Variants in MFHAS1 observed in about 807,000 individuals in gnomAD.
The protein encoded by MFHAS1 is multifunctional ROCO family signaling regulator 1, also known as malignant fibrous histiocytoma-amplified sequence 1.
Under a neutral mutation model 70.4 loss-of-function variants are expected in MFHAS1, and 50 were observed. That is an observed-to-expected ratio of 0.71 (90% CI 0.57 to 0.90). The LOEUF (loss-of-function observed/expected upper bound fraction) is 0.90, where lower values mean the gene tolerates loss of function less well. MFHAS1 is among the 40% of genes least tolerant of loss of function. The pLI is 0.00. For synonymous variants in MFHAS1, 952 were observed against 620.0 expected, an observed-to-expected ratio of 1.54 and a Z score of -7.96; for missense variants, 1,795 against 1,347.6, an observed-to-expected ratio of 1.33 and a Z score of -5.20.
At chr8:8,836,021 C>T (rs1807581536) in intron 1 of MFHAS1, among the ~76,000 whole-genome samples, 2 of 152,244 alleles carry the variant, frequency 1.3e-5, no homozygotes, top group Admixed American at 1.3e-4. Context: ...TAATTACTAT[C>T]TAGCCCTTCA....
At chr8:8,855,447 C>T (rs1444910056) in intron 1 of MFHAS1, among the ~76,000 whole-genome samples, 1 of 152,214 alleles carries the variant, frequency 6.6e-6, no homozygotes, top group Non-Finnish European at 1.5e-5. Flanking sequence ...CAATTAAATC[C>T]TAACTGAGAT....
intron 1 of MFHAS1, among the ~76,000 whole-genome samples, chr8:8,879,752 C>T (rs1004472456): frequency 6.6e-6 from 1 of 152,172 alleles, no homozygotes; most frequent in Non-Finnish European, 1.5e-5. Context: ...AACACAGCTC[C>T]CCAAGCCCAA....
At chr8:8,888,843 T>A (rs1047773556) in intron 1 of MFHAS1, among the ~76,000 whole-genome samples, 12 of 152,168 alleles carry the variant, frequency 7.9e-5, no homozygotes, top group African/African-American at 2.7e-4. Context: ...GTGTAAACTA[T>A]GACCTTTGGC....
Position 8,890,865 on chromosome 8 carries a change from G to C in MFHAS1, c.2194C>G (p.Arg732Gly). ...LKEHVFHNLT[R>G]LIDILNVFFQ... is the part of the protein sequence containing the mutation. ...AAGACATTGAGGATGTCGATGAGGC[G>C]GGTGAGGTTGTGGAAGACGTGCTCC... The change falls in exon 1 of 3, where the codon CGC becomes GGC. Residue 732 changes from arginine (R) to glycine (G), a missense_variant. By Grantham distance (125) the Arg-to-Gly change is moderately radical. Coordinates refer to ENST00000276282, the MANE Select transcript of MFHAS1 (RefSeq NM_004225.3). 6.2e-7 allele frequency: 1 copy of C among 1,614,166 alleles called. No individual in the cohort carries two copies. Among genetic ancestry groups the C allele is most frequent in the Non-Finnish European group, 8.5e-7 (1 of 1,180,042 alleles).
At chr8:8,881,117 T>G (rs1809507006) in intron 1 of MFHAS1, among the ~76,000 whole-genome samples, 1 of 152,214 alleles carries the variant, frequency 6.6e-6, no homozygotes, top group Admixed American at 6.5e-5. Context: ...TTTAGACTCT[T>G]TGCTTCTATA....
intron 2 of MFHAS1, among the ~76,000 whole-genome samples, chr8:8,791,904 A>C (rs1805730953): frequency 6.6e-6 from 1 of 152,146 alleles, no homozygotes; most frequent in Admixed American, 6.5e-5. Context: ...CTGCCTTTAG[A>C]CTGAACTGTG....
intron 1 of MFHAS1, among the ~76,000 whole-genome samples, chr8:8,880,407 C>G (rs190015894): frequency 1.2e-4 from 18 of 152,192 alleles, no homozygotes; most frequent in Admixed American, 6.5e-4. Flanking sequence ...TATTATGTGA[C>G]TTTCACTCAA....
rs73201846 is a variant in MFHAS1, at chr8:8,801,285, C to A, written c.2999-3794G>T. ...CCTCCATTATCAACTCTAACTGTAC[C>A]CCAGACTGTCCACGTCACACAGAGC... On this transcript the variant is annotated intron_variant, in intron 1 of 2. Coordinates refer to ENST00000276282, the MANE Select transcript of MFHAS1 (RefSeq NM_004225.3). Among the ~76,000 whole-genome samples, 337 of 152,202 alleles carry A rather than the reference C, an allele frequency of 2.2e-3. 1 individual carries two copies. Among genetic ancestry groups the A allele is most frequent in the Non-Finnish European group, 3.8e-3 (258 of 67,996 alleles).
At chr8:8,888,702 G>C (rs763484681) in intron 1 of MFHAS1, among the ~76,000 whole-genome samples, 1 of 152,124 alleles carries the variant, frequency 6.6e-6, no homozygotes, top group Admixed American at 6.6e-5. Flanking sequence ...GCCGGGGTTG[G>C]GGGGAATGAA....
rs1190063381 is a variant in MFHAS1, at chr8:8,839,375, TAA to T, written c.2999-41886_2999-41885del. Among the ~76,000 whole-genome samples the T allele has an allele frequency of 3.3e-5, 5 of 152,342 alleles. No individual in the cohort carries two copies. In the East Asian group the frequency reaches 9.6e-4, roughly 29 times the overall value. On this transcript the variant is annotated intron_variant, in intron 1 of 2. Coordinates refer to ENST00000276282, the MANE Select transcript of MFHAS1 (RefSeq NM_004225.3). Reference sequence around the variant, plus strand: ...ATCTATGTAAAAGCCTGTCAAACTGTAAAGTGTTATATATTTGAAAGCTATCA... The same window carrying T: ...ATCTATGTAAAAGCCTGTCAAACTGTAGTGTTATATATTTGAAAGCTATCA...
At chr8:8,794,928 A>C (rs1805841051) in intron 2 of MFHAS1, among the ~76,000 whole-genome samples, 1 of 152,182 alleles carries the variant, frequency 6.6e-6, no homozygotes, top group African/African-American at 2.4e-5. Flanking sequence ...AGGTTGGTAT[A>C]AACGTGGTCT....
chr8:8,832,062 G>GA (rs1807415067), intron 1 of MFHAS1, among the ~76,000 whole-genome samples: 1 of 149,494 alleles, frequency 6.7e-6, no homozygotes, highest in Non-Finnish European at 1.5e-5. Flanking sequence ...GCGCGCGCGC[G>GA]CACACACACA....
At chr8:8,794,694 G>C (rs1205013046) in intron 2 of MFHAS1, among the ~76,000 whole-genome samples, 3 of 148,996 alleles carry the variant, frequency 2.0e-5, no homozygotes, top group Non-Finnish European at 3.0e-5. Flanking sequence ...TTAGAGTTGA[G>C]AATTATATTG....
At position 8,890,364 on chromosome 8, in the gene MFHAS1, T is replaced by C. The variant is rs757203902; in HGVS notation, c.2695A>G (p.Ser899Gly). The C allele has an allele frequency of 2.5e-5, 40 of 1,614,092 alleles. No individual in the cohort carries two copies. Among genetic ancestry groups the C allele is most frequent in the Non-Finnish European group, 3.3e-5 (39 of 1,180,048 alleles). The change falls in exon 1 of 3, where the codon AGT (serine) becomes GGT (glycine). Residue 899 changes from serine to glycine, a missense_variant. By Grantham distance (56) the Ser-to-Gly change is moderately conservative. Coordinates refer to ENST00000276282, the MANE Select transcript of MFHAS1 (RefSeq NM_004225.3). ...TFPLGLFARY[S>G]VQINSHVVHR... ...ACCACATGGCTGTTGATCTGGACAC[T>C]GTAGCGTGCAAACAACCCAAGTGGA...
At chr8:8,877,308 A>AAAAAAAAC (rs1809335409) in intron 1 of MFHAS1, among the ~76,000 whole-genome samples, 2 of 151,276 alleles carry the variant, frequency 1.3e-5, no homozygotes. Flanking sequence ...CCTCAAAAAA[A>AAAAAAAAC]AAAAAAAAAA....
In MFHAS1 at chr8:8,891,476, G is replaced by C. The variant is rs1033009644; in HGVS notation, c.1583C>G (p.Pro528Arg). The change falls in exon 1 of 3, where the codon CCC (proline) becomes CGC (arginine). Residue 528 changes from proline (P) to arginine (R), a missense_variant. Pro to Arg is a moderately radical substitution (Grantham distance 103, BLOSUM62 -2). Coordinates refer to ENST00000276282, the MANE Select transcript of MFHAS1 (RefSeq NM_004225.3). This position sits in a 1 kb window ranked among gnomAD's most constrained non-coding sequence, Gnocchi z 5.4. Reference sequence around the variant, plus strand: ...GCCCACGATGCACACCACCGCGTGGGGCACTCTCGCCCCGACCCGATGCAA... The same window carrying C: ...GCCCACGATGCACACCACCGCGTGGCGCACTCTCGCCCCGACCCGATGCAA... ...SFLHRVGARVPHAVVCIVGTH... is the reference protein window; with the variant it reads ...SFLHRVGARVRHAVVCIVGTH... 1.1e-5 allele frequency: 17 copies of C among 1,612,906 alleles called. No individual in the cohort carries two copies. The highest frequency in any genetic ancestry group is 1.4e-5 in the Non-Finnish European group (16 of 1,180,042).
At chr8:8,890,014 A>G (rs764644097) in intron 1 of MFHAS1, 47 bp downstream of exon 1, 4 of 1,440,022 alleles carry the variant, frequency 2.8e-6, no homozygotes, top group African/African-American at 1.4e-5. Context: ...CTCCAAAAAC[A>G]TATCTTACAG....
At chr8:8,864,401 C>G (rs1808781855) in intron 1 of MFHAS1, among the ~76,000 whole-genome samples, 1 of 152,240 alleles carries the variant, frequency 6.6e-6, no homozygotes, top group Non-Finnish European at 1.5e-5. Context: ...TGCCCACCCT[C>G]CCACATTAGT....
intron 1 of MFHAS1, among the ~76,000 whole-genome samples, chr8:8,814,448 CG>C (rs1297359736): frequency 6.6e-6 from 1 of 152,098 alleles, no homozygotes; most frequent in Non-Finnish European, 1.5e-5. Context: ...CTGTCATGTT[CG>C]CACGATGACA....
Sources: allele counts gnomAD v4.1 joint callset (sites outside exome capture counted in the v4.1 genomes callset), GRCh38; gene constraint gnomAD v4.1.1; non-coding constraint Gnocchi (gnomAD v3.1); transcripts MANE v1.5; gene names NCBI Gene and HGNC (gene_info 2026-07-23, HGNC 2026-07-21).